Variants in GPC6 observed in about 807,000 individuals in gnomAD.
GPC6 encodes the protein glypican-6.
In GPC6, 14 loss-of-function variants were observed where a neutral mutation model predicts 55.2. The ratio of observed to expected loss-of-function variants is 0.25; its 90% CI spans 0.17 to 0.40. The LOEUF is 0.40. GPC6 is among the 10% of genes least tolerant of loss of function. The pLI is 1.00. For synonymous variants in GPC6, 278 were observed against 259.6 expected (o/e 1.07, Z -0.68); for missense variants, 641 against 708.5 (o/e 0.90, Z 1.08).
rs78583410 is a variant in GPC6, at chr13:94,077,508, C to T, written c.877+49614C>T. ...GCACTGGCTAAGATTTCTAGTACTG[C>T]GTTTAAGATAAGTGATAAGAGCATT... On this transcript the variant is annotated intron_variant, in intron 4 of 8. Coordinates refer to ENST00000377047, the MANE Select transcript of GPC6 (RefSeq NM_005708.5). 8.8e-4 allele frequency among the ~76,000 whole-genome samples: 134 copies of T among 151,634 alleles called. 3 individuals are homozygous for T. The East Asian group carries it at 0.023, about 26-fold the overall frequency.
At chr13:93,296,995 T>C (rs1039873790) in intron 1 of GPC6, among the ~76,000 whole-genome samples, 2 of 152,142 alleles carry the variant, frequency 1.3e-5, no homozygotes, top group African/African-American at 4.8e-5. Context: ...TGGAAACAAC[T>C]GAAGAGAAGC....
At chr13:93,920,182 T>TA (rs1165329525) in intron 3 of GPC6, among the ~76,000 whole-genome samples, 1 of 152,166 alleles carries the variant, frequency 6.6e-6, no homozygotes, top group Non-Finnish European at 1.5e-5. Flanking sequence ...GCTTGGTTTT[T>TA]ATCTCACAGT....
At chr13:94,063,951 T>C (rs1884427286) in intron 4 of GPC6, among the ~76,000 whole-genome samples, 1 of 152,220 alleles carries the variant, frequency 6.6e-6, no homozygotes, top group Non-Finnish European at 1.5e-5. Flanking sequence ...CTTAACACCA[T>C]GCACCAGGAA....
chr13:93,891,401 A>T (rs1875673808), intron 3 of GPC6, among the ~76,000 whole-genome samples: 1 of 152,076 alleles, frequency 6.6e-6, no homozygotes, highest in East Asian at 1.9e-4. Context: ...ATTACCTTTA[A>T]ATTGGCTGTT....
At chr13:93,882,971 A>G (rs1361802850) in intron 3 of GPC6, among the ~76,000 whole-genome samples, 1 of 152,218 alleles carries the variant, frequency 6.6e-6, no homozygotes, top group Non-Finnish European at 1.5e-5. Context: ...CGTCAATCTT[A>G]CCAGAGGTTT....
chr13:94,163,365 T>C (rs61570339), intron 4 of GPC6, among the ~76,000 whole-genome samples: 61,590 of 151,866 alleles, frequency 0.41, 13,552 homozygotes, highest in African/African-American at 0.58. Flanking sequence ...CCCTGTAGGA[T>C]TTTTTTCAAG....
At chr13:94,031,466 G>T (rs985605033) in intron 4 of GPC6, among the ~76,000 whole-genome samples, 1 of 152,112 alleles carries the variant, frequency 6.6e-6, no homozygotes, top group Admixed American at 6.5e-5. Flanking sequence ...GGTGTCTTAC[G>T]TAGCACCCCT....
chr13:93,453,659 G>A (rs960150167), intron 1 of GPC6, among the ~76,000 whole-genome samples: 5 of 151,508 alleles, frequency 3.3e-5, no homozygotes, highest in Non-Finnish European at 7.4e-5. Context: ...TGGCTCAGGA[G>A]TGAAGCTGCA....
intron 1 of GPC6, among the ~76,000 whole-genome samples, chr13:93,531,544 T>A (rs1279990078): frequency 6.6e-6 from 1 of 152,190 alleles, no homozygotes; most frequent in Non-Finnish European, 1.5e-5. Context: ...ATCATCAGAT[T>A]GTGGATGTTA....
intron 1 of GPC6, among the ~76,000 whole-genome samples, chr13:93,440,053 T>C (rs1392617633): frequency 6.6e-6 from 1 of 152,238 alleles, no homozygotes; most frequent in East Asian, 1.9e-4. Flanking sequence ...TACAGTATAG[T>C]AGAACAAGTG....
chr13:93,447,239 AT>A (rs1878041150), intron 1 of GPC6, among the ~76,000 whole-genome samples: 1 of 152,320 alleles, frequency 6.6e-6, no homozygotes, highest in African/African-American at 2.4e-5. Flanking sequence ...TTGCTTCTTT[AT>A]ATGGAATTTC....
chr13:93,791,349 C>A (rs1886030117), intron 2 of GPC6, among the ~76,000 whole-genome samples: 1 of 152,068 alleles, frequency 6.6e-6, no homozygotes, highest in South Asian at 2.1e-4. Context: ...CTTTTTAAAA[C>A]TTTTGTTCAA....
In GPC6 at chr13:94,081,844, C is replaced by CTTTTTTTTT. The variant is rs201141414; in HGVS notation, c.877+53956_877+53964dup. Among the ~76,000 whole-genome samples, 1,078 of 132,900 alleles carry CTTTTTTTTT rather than the reference C, an allele frequency of 8.1e-3. 37 individuals carry two copies. The highest frequency in any genetic ancestry group is 0.029 in the African/African-American group (1,015 of 35,460). 87.2% of individuals were successfully genotyped at this position (132,900 alleles called of 152,430 possible). On this transcript the variant is annotated intron_variant, in intron 4 of 8. Coordinates refer to ENST00000377047, the MANE Select transcript of GPC6 (RefSeq NM_005708.5). ...CATGTCTATGCCTTCTACTACTTTCCTTTTTTTTTTTTTTGAGACACAGTC... is the reference window on the plus strand; with the variant it reads ...CATGTCTATGCCTTCTACTACTTTCCTTTTTTTTTTTTTTTTTTTTTTTGAGACACAGTC...
At chr13:93,746,766 G>A (rs1884413399) in intron 2 of GPC6, among the ~76,000 whole-genome samples, 1 of 152,138 alleles carries the variant, frequency 6.6e-6, no homozygotes, top group South Asian at 2.1e-4. Flanking sequence ...GTGGACCAAG[G>A]TGCAACAGCT....
intron 4 of GPC6, among the ~76,000 whole-genome samples, chr13:94,203,781 A>G (rs1009519211): frequency 1.3e-5 from 2 of 151,968 alleles, no homozygotes; most frequent in African/African-American, 4.8e-5. Context: ...TATCTTCTCC[A>G]TTGTTTCTTC....
chr13:93,229,381 C>T (rs960930211), intron 1 of GPC6, among the ~76,000 whole-genome samples: 3 of 152,022 alleles, frequency 2.0e-5, no homozygotes, highest in African/African-American at 7.2e-5. Flanking sequence ...AAGATATTTC[C>T]CAACATGATT....
At chr13:93,811,058 A>G (rs1242142112) in intron 2 of GPC6, among the ~76,000 whole-genome samples, 1 of 150,862 alleles carries the variant, frequency 6.6e-6, no homozygotes. Context: ...CAAATGCAAC[A>G]TCAAATTACC....
chr13:93,932,285 A>C (rs953107080), intron 3 of GPC6, among the ~76,000 whole-genome samples: 8 of 152,156 alleles, frequency 5.3e-5, no homozygotes, highest in Non-Finnish European at 1.0e-4. Flanking sequence ...GGCTAGTCAA[A>C]ATAATTAGCA....
intron 1 of GPC6, among the ~76,000 whole-genome samples, chr13:93,362,542 C>A (rs1428802742): frequency 6.6e-6 from 1 of 152,106 alleles, no homozygotes; most frequent in East Asian, 1.9e-4. Flanking sequence ...GTGACTTTTA[C>A]TAAAAAACAT....
Sources: gnomAD v4.1 joint callset for allele counts (sites outside exome capture counted in the v4.1 genomes callset) on GRCh38, gnomAD v4.1.1 for gene constraint, MANE v1.5 for transcripts, NCBI Gene and HGNC (gene_info 2026-07-23, HGNC 2026-07-21) for gene names.